The following ATOSA variants were observed in gnomAD, a reference collection of about 807,000 sequenced individuals.
ATOSA encodes the protein atos homolog protein A.
the ATOSA span, among the ~76,000 whole-genome samples, chr15:52,623,379 T>G: frequency 6.6e-6 from 1 of 151,988 alleles, no homozygotes; most frequent in Non-Finnish European, 1.5e-5. Flanking sequence ...CTATACTAAT[T>G]AGGAGGTTAT....
chr15:52,633,232 A>AT, the ATOSA span, among the ~76,000 whole-genome samples: 3 of 152,162 alleles, frequency 2.0e-5, no homozygotes, highest in Non-Finnish European at 2.9e-5. Flanking sequence ...CCTTTTATGA[A>AT]TTTTTCCACA....
the ATOSA span, among the ~76,000 whole-genome samples, chr15:52,628,977 C>A: frequency 1.3e-5 from 2 of 152,290 alleles, no homozygotes; most frequent in African/African-American, 4.8e-5. Flanking sequence ...AAGGGCCATT[C>A]TCTTCCCAGA....
chr15:52,666,265 A>C, the ATOSA span, among the ~76,000 whole-genome samples: 1 of 152,216 alleles, frequency 6.6e-6, no homozygotes, highest in Non-Finnish European at 1.5e-5. Flanking sequence ...ATGATTCCTC[A>C]AACTACAAAC....
the ATOSA span, among the ~76,000 whole-genome samples, chr15:52,615,692 G>C: frequency 6.6e-6 from 1 of 152,156 alleles, no homozygotes; most frequent in Non-Finnish European, 1.5e-5. Flanking sequence ...TATCAGGAAA[G>C]GAAGAAGCCT....
chr15:52,649,444 A>G, the ATOSA span: 2 of 152,162 alleles, frequency 1.3e-5, no homozygotes, highest in Admixed American at 6.5e-5. Context: ...TTTAAGTTAC[A>G]TATTTTTTAA....
At chr15:52,665,091 A>T in the ATOSA span, among the ~76,000 whole-genome samples, 1 of 152,368 alleles carries the variant, frequency 6.6e-6, no homozygotes, top group Non-Finnish European at 1.5e-5. Context: ...TGGGAACAAT[A>T]GACACTGGGG....
At chr15:52,636,135 T>C in the ATOSA span, among the ~76,000 whole-genome samples, 26 of 146,534 alleles carry the variant, frequency 1.8e-4, no homozygotes, top group Non-Finnish European at 3.5e-4. Context: ...AAATATATAT[T>C]AAAATAATAA....
the ATOSA span, among the ~76,000 whole-genome samples, chr15:52,668,345 T>TA: frequency 2.7e-3 from 416 of 151,970 alleles, no homozygotes; most frequent in South Asian, 9.0e-3. Flanking sequence ...TGTGGAATCT[T>TA]AAAAAAAAGC....
the ATOSA span, chr15:52,609,396 C>A: frequency 6.2e-7 from 1 of 1,613,880 alleles, no homozygotes; most frequent in Non-Finnish European, 8.5e-7. Flanking sequence ...TGTTGAATGA[C>A]TGCCGGGGGA....
chr15:52,611,518 A>T, the ATOSA span: 1 of 1,525,986 alleles, frequency 6.6e-7, no homozygotes, highest in Non-Finnish European at 9.0e-7. Flanking sequence ...AATTTATAAG[A>T]AGTAATGGAA....
At chr15:52,650,276 T>C in the ATOSA span, among the ~76,000 whole-genome samples, 1 of 152,282 alleles carries the variant, frequency 6.6e-6, no homozygotes, top group Non-Finnish European at 1.5e-5. Flanking sequence ...AAGTGAGTGC[T>C]TTATATTGTG....
the ATOSA span, among the ~76,000 whole-genome samples, chr15:52,605,795 A>G: frequency 6.6e-6 from 1 of 152,100 alleles, no homozygotes; most frequent in Admixed American, 6.5e-5. Context: ...AATTTGTGAA[A>G]AAACTACTAT....
At chr15:52,582,121 T>C in the ATOSA span, 1 of 1,505,706 alleles carries the variant, frequency 6.6e-7, no homozygotes, top group Non-Finnish European at 8.8e-7. Context: ...CAAACTTGGG[T>C]ACTGAGTAAA....
At chr15:52,702,763 A>C in the ATOSA span, among the ~76,000 whole-genome samples, 7 of 125,180 alleles carry the variant, frequency 5.6e-5, no homozygotes, top group African/African-American at 2.4e-4. Flanking sequence ...CTAAAAGTTG[A>C]AAAAAAAAGT....
chr15:52,582,014 G>T, the ATOSA span: 1 of 636,332 alleles, frequency 1.6e-6, no homozygotes, highest in Non-Finnish European at 2.5e-6. Flanking sequence ...TTTCATTTCA[G>T]GAATCCTTTC....
chr15:52,648,234 G>A, the ATOSA span, among the ~76,000 whole-genome samples: 2 of 152,012 alleles, frequency 1.3e-5, no homozygotes, highest in African/African-American at 4.8e-5. Context: ...TCATGATACC[G>A]AGGGGGATAC....
chr15:52,615,370 G>A, the ATOSA span, among the ~76,000 whole-genome samples: 1 of 151,722 alleles, frequency 6.6e-6, no homozygotes, highest in Non-Finnish European at 1.5e-5. Flanking sequence ...TCAATTTGTT[G>A]TACAATTTGT....
the ATOSA span, among the ~76,000 whole-genome samples, chr15:52,690,805 A>G: frequency 6.6e-6 from 1 of 152,242 alleles, no homozygotes; most frequent in Non-Finnish European, 1.5e-5. Context: ...TAAACTGAAA[A>G]TTAATGGCAT....
At chr15:52,600,070 A>T in the ATOSA span, 1 of 777,068 alleles carries the variant, frequency 1.3e-6, no homozygotes, top group Non-Finnish European at 2.1e-6. Flanking sequence ...ATAAAATGAC[A>T]CCCTAGAACC....
Sources: gnomAD v4.1 joint callset for allele counts (sites outside exome capture counted in the v4.1 genomes callset) on GRCh38, gnomAD v4.1.1 for gene constraint, MANE v1.5 for transcripts, NCBI Gene and HGNC (gene_info 2026-07-23, HGNC 2026-07-21) for gene names.